The following SGCZ variants were observed in gnomAD, a reference collection of about 807,000 sequenced individuals.
The protein encoded by SGCZ is sarcoglycan zeta, also known as zeta-sarcoglycan.
Under a neutral mutation model 41.3 loss-of-function variants are expected in SGCZ, and 40 were observed. That is an observed-to-expected ratio of 0.97 (90% CI 0.75 to 1.26). The LOEUF (loss-of-function observed/expected upper bound fraction) is 1.26, where lower values mean the gene tolerates loss of function less well. SGCZ is among the 50% of genes most tolerant of loss of function. SGCZ has a pLI of 0.00. For synonymous variants in SGCZ, 206 were observed against 137.5 expected (o/e 1.50, Z -3.49); for missense variants, 552 against 369.8 (o/e 1.49, Z -4.04).
chr8:14,437,490 C>G (rs938596419), intron 2 of SGCZ, among the ~76,000 whole-genome samples: 4 of 151,910 alleles, frequency 2.6e-5, no homozygotes, highest in Non-Finnish European at 5.9e-5. Context: ...AAAACAGTAA[C>G]GTTCTTCTGA....
At chr8:14,130,964 C>T (rs775760392) in intron 5 of SGCZ, among the ~76,000 whole-genome samples, 1 of 152,140 alleles carries the variant, frequency 6.6e-6, no homozygotes, top group Non-Finnish European at 1.5e-5. Context: ...GCTAGTCCAG[C>T]CAATCCTTTG....
chr8:15,129,750 G>T (rs1807833555), intron 1 of SGCZ, among the ~76,000 whole-genome samples: 1 of 142,224 alleles, frequency 7.0e-6, no homozygotes, highest in Non-Finnish European at 1.5e-5. Flanking sequence ...TCAATTTCCT[G>T]GTAAAAACAC....
intron 2 of SGCZ, among the ~76,000 whole-genome samples, chr8:14,491,981 T>C (rs1010750211): frequency 1.3e-5 from 2 of 152,196 alleles, no homozygotes; most frequent in South Asian, 2.1e-4. Flanking sequence ...ACGACTTAGA[T>C]ATAAATAGTT....
intron 2 of SGCZ, among the ~76,000 whole-genome samples, chr8:14,451,168 C>G (rs1800582100): frequency 6.6e-6 from 1 of 152,202 alleles, no homozygotes; most frequent in African/African-American, 2.4e-5. Context: ...AAACCAGCCT[C>G]TCTCTTTTCT....
intron 4 of SGCZ, among the ~76,000 whole-genome samples, chr8:14,204,421 A>G (rs1046048988): frequency 6.6e-6 from 1 of 151,970 alleles, no homozygotes; most frequent in African/African-American, 2.4e-5. Flanking sequence ...CAGGTCTACT[A>G]TGGGTGAATG....
chr8:14,353,932 C>G (rs962290496), intron 2 of SGCZ, among the ~76,000 whole-genome samples: 17 of 152,024 alleles, frequency 1.1e-4, no homozygotes, highest in African/African-American at 3.9e-4. Flanking sequence ...TCTGGACTTA[C>G]AGAAATAATT....
intron 1 of SGCZ, among the ~76,000 whole-genome samples, chr8:15,161,565 A>G (rs1003492954): frequency 6.6e-6 from 1 of 152,182 alleles, no homozygotes; most frequent in Non-Finnish European, 1.5e-5. Flanking sequence ...GTCTCTGTGA[A>G]ATGAATTAAA....
At chr8:14,602,136 A>ATAAAT (rs1479118416) in intron 1 of SGCZ, among the ~76,000 whole-genome samples, 9 of 152,138 alleles carry the variant, frequency 5.9e-5, no homozygotes, top group Middle Eastern at 3.4e-3. Flanking sequence ...ATAAAATAAA[A>ATAAAT]TAATAAAATA....
At chr8:15,069,295 A>T (rs117798106) in intron 1 of SGCZ, among the ~76,000 whole-genome samples, 5,963 of 152,198 alleles carry the variant, frequency 0.039, 152 homozygotes, top group Non-Finnish European at 0.057. Flanking sequence ...CAGTCTCCCA[A>T]AGTGCTAGGA....
At chr8:15,148,725 C>T (rs1315713359) in intron 1 of SGCZ, among the ~76,000 whole-genome samples, 2 of 152,172 alleles carry the variant, frequency 1.3e-5, no homozygotes, top group Admixed American at 1.3e-4. Flanking sequence ...TCCAAGCAAG[C>T]CTGGATGCTT....
At chr8:14,268,808 A>T (rs1799962762) in intron 3 of SGCZ, among the ~76,000 whole-genome samples, 1 of 152,062 alleles carries the variant, frequency 6.6e-6, no homozygotes, top group Non-Finnish European at 1.5e-5. Flanking sequence ...TTAGTCTGGA[A>T]TATAAAACAT....
At chr8:14,635,782 T>C (rs559833945) in intron 1 of SGCZ, among the ~76,000 whole-genome samples, 49 of 151,994 alleles carry the variant, frequency 3.2e-4, no homozygotes, top group African/African-American at 1.0e-3. Context: ...TTAGAACATA[T>C]CCCTGGATGT....
chr8:14,350,493 T>C (rs1474706902), intron 2 of SGCZ, among the ~76,000 whole-genome samples: 2 of 152,260 alleles, frequency 1.3e-5, no homozygotes, highest in African/African-American at 2.4e-5. Context: ...GGTGATTCTC[T>C]GCTAAATCCC....
chr8:15,237,885 G>C lies in SGCZ; in HGVS notation c.-262C>G, dbSNP rs940077058. The C allele has an allele frequency of 8.3e-6, 3 of 359,458 alleles. No homozygotes were observed. Among genetic ancestry groups the C allele is most frequent in the African/African-American group, 4.2e-5 (2 of 47,372 alleles). The allele number at this position is 359,458 out of a possible 1,614,324, so 22.3% of individuals were successfully genotyped here. On this transcript the variant is annotated 5_prime_UTR_variant, in exon 1 of 8. In the 5' UTR this introduces an upstream ATG that the reference lacks. Transcript: ENST00000382080. ...TACCGCGGTGCAACACAGCTGAGTC[G>C]ATTGAAACAGGGGCCAAAAGAAAAA...
chr8:14,181,156 T>C (rs1242306209), intron 4 of SGCZ, among the ~76,000 whole-genome samples: 1 of 152,166 alleles, frequency 6.6e-6, no homozygotes, highest in Non-Finnish European at 1.5e-5. Context: ...GGTAATAATG[T>C]TACAAAAATG....
At chr8:14,829,959 C>A (rs1802470603) in intron 1 of SGCZ, among the ~76,000 whole-genome samples, 1 of 152,048 alleles carries the variant, frequency 6.6e-6, no homozygotes, top group Admixed American at 6.6e-5. Flanking sequence ...CTACAGGCGA[C>A]TGCACCACGC....
chr8:14,595,778 A>G (rs1415632824), intron 1 of SGCZ, among the ~76,000 whole-genome samples: 1 of 152,166 alleles, frequency 6.6e-6, no homozygotes, highest in Non-Finnish European at 1.5e-5. Context: ...CAGGGAAAAC[A>G]CGGGTGCTGC....
At chr8:14,467,186 A>G (rs1801075166) in intron 2 of SGCZ, among the ~76,000 whole-genome samples, 1 of 151,946 alleles carries the variant, frequency 6.6e-6, no homozygotes, top group Admixed American at 6.6e-5. Flanking sequence ...CATTCATAAT[A>G]ACTTTGTAAT....
intron 3 of SGCZ, among the ~76,000 whole-genome samples, chr8:14,300,684 A>T (rs1246931597): frequency 6.6e-6 from 1 of 151,982 alleles, no homozygotes; most frequent in African/African-American, 2.4e-5. Context: ...AGATCATATG[A>T]GAGTATAATG....
Sources: gnomAD v4.1 joint callset for allele counts (sites outside exome capture counted in the v4.1 genomes callset) on GRCh38, gnomAD v4.1.1 for gene constraint, MANE v1.5 for transcripts, NCBI Gene and HGNC (gene_info 2026-07-23, HGNC 2026-07-21) for gene names.